The following FARS2 variants were observed in gnomAD, a reference collection of about 807,000 sequenced individuals.
The protein encoded by FARS2 is phenylalanyl-tRNA synthetase 2, mitochondrial.
Under a neutral mutation model 46.4 loss-of-function variants are expected in FARS2, and 40 were observed. That is an observed-to-expected ratio of 0.86 (90% confidence interval 0.67 to 1.12). The LOEUF (loss-of-function observed/expected upper bound fraction) is 1.12. Ranked by LOEUF, FARS2 falls within the 50% of genes most tolerant of loss-of-function variation. FARS2 has a pLI of 0.00. For synonymous variants in FARS2, 234 were observed against 214.9 expected, an observed-to-expected ratio of 1.09 and a Z score of -0.78; for missense variants, 513 against 567.9, an observed-to-expected ratio of 0.90 and a Z score of 0.98.
chr6:5,338,330 T>A (rs1475169198), intron 1 of FARS2, among the ~76,000 whole-genome samples: 1 of 152,248 alleles, frequency 6.6e-6, no homozygotes, highest in Non-Finnish European at 1.5e-5. Flanking sequence ...GCTTTTGTTT[T>A]TACTAAAGCT....
intron 3 of FARS2, among the ~76,000 whole-genome samples, chr6:5,419,353 C>T (rs1465236660): frequency 1.3e-5 from 2 of 152,162 alleles, no homozygotes; most frequent in Non-Finnish European, 2.9e-5. Context: ...AAAATAATCT[C>T]AACTGAGGTA....
At chr6:5,634,821 G>A (rs984274685) in intron 6 of FARS2, among the ~76,000 whole-genome samples, 1 of 152,128 alleles carries the variant, frequency 6.6e-6, no homozygotes, top group South Asian at 2.1e-4. Flanking sequence ...TGTGCCCTTC[G>A]ACCCAGCTAA....
intron 1 of FARS2, among the ~76,000 whole-genome samples, chr6:5,363,480 G>A (rs930587874): frequency 6.0e-5 from 9 of 151,238 alleles, no homozygotes; most frequent in African/African-American, 9.7e-5. Context: ...TCTTCTTCCC[G>A]CGTCTTCCAC....
chr6:5,309,821 CTTG>C (rs1313256150), intron 1 of FARS2, among the ~76,000 whole-genome samples: 2 of 152,078 alleles, frequency 1.3e-5, no homozygotes, highest in African/African-American at 4.8e-5. Context: ...TTTTGTTGCT[CTTG>C]TTGTGCAGAG....
chr6:5,349,450 T>C (rs996439812), intron 1 of FARS2, among the ~76,000 whole-genome samples: 4 of 151,664 alleles, frequency 2.6e-5, no homozygotes, highest in African/African-American at 9.7e-5. Flanking sequence ...ATCAGCAAAG[T>C]TTTTTTTTCT....
At chr6:5,270,441 G>T (rs112212606) in intron 1 of FARS2, among the ~76,000 whole-genome samples, 1 of 152,172 alleles carries the variant, frequency 6.6e-6, no homozygotes, top group Admixed American at 6.5e-5. Context: ...AGATTAATAC[G>T]TTTCAGGACA....
At chr6:5,395,913 C>T (rs962331579) in intron 2 of FARS2, among the ~76,000 whole-genome samples, 7 of 152,144 alleles carry the variant, frequency 4.6e-5, no homozygotes, top group African/African-American at 1.7e-4. Context: ...GGCAATCTGA[C>T]CACCTAGTGG....
rs200792296 is a variant in FARS2, at chr6:5,372,434, GT to G, written c.612+3253del. Reference sequence around the variant, plus strand: ...TATATGCAAATGTCAGAAGTGTATAGTCATATGGATTTCTAAAAATTACTTA... The same window carrying G: ...TATATGCAAATGTCAGAAGTGTATAGCATATGGATTTCTAAAAATTACTTA... On this transcript the variant is annotated intron_variant, in intron 2 of 6. Coordinates refer to ENST00000274680, the MANE Select transcript of FARS2 (RefSeq NM_006567.5). Among the ~76,000 whole-genome samples, 981 of 152,208 alleles carry G rather than the reference GT, an allele frequency of 6.4e-3. 13 individuals are homozygous for G. The highest frequency in any genetic ancestry group is 0.022 in the African/African-American group (930 of 41,550).
At chr6:5,545,393 A>G in intron 5 of FARS2, 53 bp downstream of exon 5, 1 of 1,352,432 alleles carries the variant, frequency 7.4e-7, no homozygotes. Context: ...GCTGTCAAGG[A>G]TCGACAGGAT....
intron 6 of FARS2, among the ~76,000 whole-genome samples, chr6:5,734,087 C>A (rs1561828561): frequency 6.6e-6 from 1 of 152,134 alleles, no homozygotes; most frequent in Non-Finnish European, 1.5e-5. Context: ...ATTGCCGAAA[C>A]CTGCTGTGGA....
chr6:5,668,317 C>T (rs1209673144), intron 6 of FARS2, among the ~76,000 whole-genome samples: 2 of 152,138 alleles, frequency 1.3e-5, no homozygotes, highest in Non-Finnish European at 2.9e-5. Flanking sequence ...TATTGTCACT[C>T]TTGTACTGTT....
At chr6:5,626,501 C>T (rs887037560) in intron 6 of FARS2, among the ~76,000 whole-genome samples, 1 of 152,178 alleles carries the variant, frequency 6.6e-6, no homozygotes, top group Non-Finnish European at 1.5e-5. Context: ...CAGAGCTGTA[C>T]GTTTCCCCAC....
chr6:5,557,100 G>C (rs1269067598), intron 5 of FARS2, among the ~76,000 whole-genome samples: 1 of 152,148 alleles, frequency 6.6e-6, no homozygotes, highest in East Asian at 1.9e-4. Context: ...TGAAGGAACT[G>C]ACGTAGAAAG....
At chr6:5,358,448 T>C (rs1758078072) in intron 1 of FARS2, among the ~76,000 whole-genome samples, 1 of 152,142 alleles carries the variant, frequency 6.6e-6, no homozygotes, top group Non-Finnish European at 1.5e-5. Context: ...ATAAATGATT[T>C]TGTTGAGATG....
Position 5,727,192 on chromosome 6 carries a change from G to A in FARS2, c.1218-44099G>A, listed in dbSNP as rs1348472375. On this transcript the variant is annotated intron_variant, in intron 6 of 6. Transcript: ENST00000274680. The surrounding 1 kb of genome is among the most constrained non-coding windows in gnomAD (Gnocchi z 4.1). ...AACAGTAACGGCGGCTGCTGCTGTA[G>A]GGGTGGGCATGGGAGGGGCTGTTCC... 2.0e-5 allele frequency among the ~76,000 whole-genome samples: 3 copies of A among 152,202 alleles called. No individual in the cohort carries two copies. Among genetic ancestry groups the A allele is most frequent in the African/African-American group, 7.2e-5 (3 of 41,464 alleles).
Position 5,362,778 on chromosome 6 carries a change from G to A in FARS2, c.-21-5772G>A, listed in dbSNP as rs538132302. 7.9e-5 allele frequency among the ~76,000 whole-genome samples: 12 copies of A among 152,220 alleles called. No homozygotes were observed. The South Asian group carries it at 2.1e-3, about 26-fold the overall frequency. On this transcript the variant is annotated intron_variant, in intron 1 of 6. Transcript: ENST00000274680. ...TTTGGTAATAGCGGTTCTAACAGGT[G>A]TAAAGTGTATCTATCTCATTGTGCT...
At chr6:5,364,191 C>T (rs886682548) in intron 1 of FARS2, among the ~76,000 whole-genome samples, 2 of 152,100 alleles carry the variant, frequency 1.3e-5, no homozygotes, top group African/African-American at 4.8e-5. Flanking sequence ...ACACACTGGG[C>T]AATGAGTTAA....
intron 4 of FARS2, among the ~76,000 whole-genome samples, chr6:5,506,183 T>C (rs1768087757): frequency 6.6e-6 from 1 of 152,144 alleles, no homozygotes; most frequent in African/African-American, 2.4e-5. Flanking sequence ...TATTCCCAAC[T>C]TCAAGGTCTT....
chr6:5,444,454 G>A (rs1420801149), intron 4 of FARS2, among the ~76,000 whole-genome samples: 5 of 107,844 alleles, frequency 4.6e-5, no homozygotes, highest in Non-Finnish European at 6.8e-5. Flanking sequence ...GTGACAAGGC[G>A]TGACTCTGTC....
Sources: allele counts gnomAD v4.1 joint callset (sites outside exome capture counted in the v4.1 genomes callset), GRCh38; gene constraint gnomAD v4.1.1; non-coding constraint Gnocchi (gnomAD v3.1); transcripts MANE v1.5; gene names NCBI Gene and HGNC (gene_info 2026-07-23, HGNC 2026-07-21).